Variants in ZBTB20 observed in about 807,000 individuals in gnomAD.
ZBTB20 encodes zinc finger and BTB domain containing 20.
Under a neutral mutation model 56.9 loss-of-function variants are expected in ZBTB20, and 9 were observed. The ratio of observed to expected loss-of-function variants is 0.16; its 90% CI spans 0.10 to 0.28. The LOEUF (loss-of-function observed/expected upper bound fraction) is 0.28, where lower values mean the gene tolerates loss of function less well. Among genes scored for constraint, ZBTB20 ranks in the 10% least tolerant of loss-of-function variants. The probability of loss-of-function intolerance (pLI) is 1.00; values close to 1 mark genes in which losing one functional copy is unlikely to be tolerated. For synonymous variants in ZBTB20, 417 were observed against 420.7 expected (o/e 0.99, Z 0.11); for missense variants, 655 against 1,003.0 (o/e 0.65, Z 4.69).
intron 3 of ZBTB20, among the ~76,000 whole-genome samples, chr3:114,907,872 A>C (rs934352206): frequency 9.2e-5 from 14 of 151,934 alleles, no homozygotes; most frequent in African/African-American, 2.7e-4. Flanking sequence ...ATGTCTGATA[A>C]TAAATATATA....
chr3:114,562,942 TCAAA>T (rs1197869698), intron 6 of ZBTB20, among the ~76,000 whole-genome samples: 1 of 152,132 alleles, frequency 6.6e-6, no homozygotes. Flanking sequence ...CACAAATCAC[TCAAA>T]CAAATATAAT....
intron 4 of ZBTB20, among the ~76,000 whole-genome samples, chr3:114,878,769 A>T (rs1201201539): frequency 1.3e-5 from 2 of 152,168 alleles, no homozygotes; most frequent in Non-Finnish European, 2.9e-5. Flanking sequence ...AAATATTAAC[A>T]ATTATTGAAA....
chr3:114,911,483 A>G lies in ZBTB20; in HGVS notation c.-455-11141T>C, dbSNP rs188639919. ...AAAATAATGATTTTCAATAAGTCCA[A>G]TGAGATGTAGAAAACACAAATAAAC... On this transcript the variant is annotated intron_variant, in intron 3 of 11. Coordinates refer to ENST00000675478, the MANE Select transcript of ZBTB20 (RefSeq NM_001348800.3). 1.6e-4 allele frequency among the ~76,000 whole-genome samples: 25 copies of G among 152,140 alleles called. No homozygotes were observed. The East Asian group carries it at 4.6e-3, about 28-fold the overall frequency.
intron 6 of ZBTB20, among the ~76,000 whole-genome samples, chr3:114,641,765 C>A (rs1026418711): frequency 6.6e-6 from 1 of 151,706 alleles, no homozygotes; most frequent in Non-Finnish European, 1.5e-5. Context: ...TGATTTAATT[C>A]TCTTAGTCTA....
intron 1 of ZBTB20, among the ~76,000 whole-genome samples, chr3:115,146,971 G>A (rs1330000594): frequency 2.0e-5 from 3 of 150,468 alleles, no homozygotes; most frequent in African/African-American, 7.3e-5. Context: ...GCTAAGAAGG[G>A]CGCCGGGGGA....
intron 4 of ZBTB20, among the ~76,000 whole-genome samples, chr3:114,897,470 A>G (rs2074931231): frequency 6.6e-6 from 1 of 152,134 alleles, no homozygotes; most frequent in South Asian, 2.1e-4. Context: ...CTTAACCCTG[A>G]AATCGCAGGG....
intron 10 of ZBTB20, among the ~76,000 whole-genome samples, chr3:114,373,260 T>C (rs1380212369): frequency 6.6e-6 from 1 of 152,224 alleles, no homozygotes; most frequent in African/African-American, 2.4e-5. Flanking sequence ...GAAGGAAGGG[T>C]TCTTTTGCCT....
At chr3:114,785,231 G>C (rs923162842) in intron 5 of ZBTB20, among the ~76,000 whole-genome samples, 1 of 152,138 alleles carries the variant, frequency 6.6e-6, no homozygotes, top group Non-Finnish European at 1.5e-5. Context: ...AATATTTTAG[G>C]CTTTGTGGGT....
At chr3:114,603,504 A>C (rs1039967027) in intron 6 of ZBTB20, among the ~76,000 whole-genome samples, 1 of 151,992 alleles carries the variant, frequency 6.6e-6, no homozygotes, top group Non-Finnish European at 1.5e-5. Context: ...TGGCATAAGA[A>C]AGGACTTTTT....
chr3:114,958,753 C>T (rs2077338026), intron 3 of ZBTB20, among the ~76,000 whole-genome samples: 1 of 150,796 alleles, frequency 6.6e-6, no homozygotes, highest in African/African-American at 2.4e-5. Context: ...GAGGCTGAGG[C>T]AGGAGAATCA....
At chr3:114,586,834 T>C (rs1314817144) in intron 6 of ZBTB20, among the ~76,000 whole-genome samples, 3 of 152,056 alleles carry the variant, frequency 2.0e-5, no homozygotes, top group Non-Finnish European at 4.4e-5. Context: ...CCATCTGACA[T>C]AAATGGTCTC....
chr3:114,697,722 A>T (rs1433784546), intron 5 of ZBTB20, among the ~76,000 whole-genome samples: 2 of 151,972 alleles, frequency 1.3e-5, no homozygotes, highest in Non-Finnish European at 2.9e-5. Flanking sequence ...TGAATTCAGA[A>T]CACTAAAAAG....
At chr3:114,654,771 T>C (rs1286620390) in intron 6 of ZBTB20, among the ~76,000 whole-genome samples, 1 of 152,196 alleles carries the variant, frequency 6.6e-6, no homozygotes. Context: ...AGAACAAGAA[T>C]GTTAAAATCT....
intron 2 of ZBTB20, among the ~76,000 whole-genome samples, chr3:114,988,808 T>A (rs2078669114): frequency 1.3e-5 from 2 of 152,168 alleles, no homozygotes; most frequent in African/African-American, 4.8e-5. Flanking sequence ...TGGTGTGAGA[T>A]GGTGTCTCAT....
At chr3:114,917,138 A>G (rs1307326937) in intron 3 of ZBTB20, among the ~76,000 whole-genome samples, 1 of 151,994 alleles carries the variant, frequency 6.6e-6, no homozygotes, top group Non-Finnish European at 1.5e-5. Flanking sequence ...CTTCTGTTTG[A>G]TCAATTCTCC....
chr3:114,860,407 A>G (rs1336089139), intron 4 of ZBTB20, among the ~76,000 whole-genome samples: 5 of 152,182 alleles, frequency 3.3e-5, no homozygotes, highest in Non-Finnish European at 4.4e-5. Flanking sequence ...GGCAATCCCT[A>G]GTATATCAAA....
intron 6 of ZBTB20, among the ~76,000 whole-genome samples, chr3:114,677,081 T>A (rs928928615): frequency 2.6e-4 from 40 of 152,122 alleles, no homozygotes; most frequent in Non-Finnish European, 2.9e-5. Context: ...AACTAGGGGA[T>A]TTTTATAATC....
chr3:114,407,089 T>C (rs547519744), intron 7 of ZBTB20, among the ~76,000 whole-genome samples: 1 of 152,292 alleles, frequency 6.6e-6, no homozygotes, highest in African/African-American at 2.4e-5. Context: ...TATAGCCCAC[T>C]AGCCACTGCC....
chr3:114,626,928 C>T (rs985931218), intron 6 of ZBTB20, among the ~76,000 whole-genome samples: 1 of 152,178 alleles, frequency 6.6e-6, no homozygotes, highest in Non-Finnish European at 1.5e-5. Flanking sequence ...CTGTGTAACA[C>T]AATTCCGGAT....
Sources: gnomAD v4.1 joint callset for allele counts (sites outside exome capture counted in the v4.1 genomes callset) on GRCh38, gnomAD v4.1.1 for gene constraint, MANE v1.5 for transcripts, NCBI Gene and HGNC (gene_info 2026-07-23, HGNC 2026-07-21) for gene names.